Variants in RNASET2 observed in about 807,000 individuals in gnomAD.
RNASET2 encodes ribonuclease 6.
In RNASET2, 28 loss-of-function variants were observed where a neutral mutation model predicts 33.9. That is an observed-to-expected ratio of 0.83 (90% CI 0.61 to 1.13). The LOEUF (loss-of-function observed/expected upper bound fraction) is 1.13, where lower values mean the gene tolerates loss of function less well. Among genes scored for constraint, RNASET2 ranks in the 50% most tolerant of loss-of-function variants. The pLI is 0.00. For synonymous variants in RNASET2, 123 were observed against 121.0 expected, an observed-to-expected ratio of 1.02 and a Z score of -0.11; for missense variants, 330 against 319.9, an observed-to-expected ratio of 1.03 and a Z score of -0.24.
chr6:166,930,486 C>T (rs1778394601), intron 8 of RNASET2, among the ~76,000 whole-genome samples: 1 of 151,426 alleles, frequency 6.6e-6, no homozygotes, highest in Admixed American at 6.6e-5. Context: ...CACACACGCA[C>T]ATGCCCACAC....
Position 166,934,091 on chromosome 6 carries a change from T to C in RNASET2, c.492A>G (p.Gln164=). Residue 164 remains glutamine (Q), a splice_region_variant and synonymous_variant, in exon 7 of 9, where the codon CAA becomes CAG. Coordinates refer to ENST00000508775, the MANE Select transcript of RNASET2 (RefSeq NM_003730.6). ...LGIKPSINYY[Q]VADFKDALAR... ...GAAAAGAAGCAAAAGCAAGACTTAC[T>C]TGGTAGTAATTGATGGATGGTTTTA... 1 of 1,609,130 alleles carries C rather than the reference T, an allele frequency of 6.2e-7. No individual in the cohort carries two copies. The highest frequency in any genetic ancestry group is 8.5e-7 in the Non-Finnish European group (1 of 1,175,566).
At position 166,925,284 on chromosome 6, in the gene RNASET2, C is replaced by T. The variant is rs533668647; in HGVS notation, c.*4304G>A. Among the ~76,000 whole-genome samples the T allele has an allele frequency of 6.6e-6, 1 of 152,064 alleles. No individual in the cohort carries two copies. The highest frequency in any genetic ancestry group is 2.1e-4 in the South Asian group (1 of 4,808). ...CATGTCTCCGCTGCCCAGGCCTCAT[C>T]TATGCCACTTAGCCCTCACCCATGC... On this transcript the variant is annotated 3_prime_UTR_variant, in exon 9 of 9. Transcript: ENST00000508775.
At chr6:166,946,159 CTG>C (rs1033240022) in intron 4 of RNASET2, among the ~76,000 whole-genome samples, 14 of 152,224 alleles carry the variant, frequency 9.2e-5, no homozygotes, top group Non-Finnish European at 1.5e-5. Context: ...AATTCCCGCC[CTG>C]TGAGTTTTCT....
Position 166,948,626 on chromosome 6 carries a change from C to T in RNASET2, c.148-1G>A. On this transcript the variant is annotated splice_acceptor_variant, in intron 2 of 8. Coordinates refer to ENST00000508775, the MANE Select transcript of RNASET2 (RefSeq NM_003730.6). LOFTEE classifies it high-confidence loss of function. ...GGTCTCTACAGTCGTTTTGAATTTT[C>T]TAGGGAGAAAATATAACAAGAAAAT... 2 of 1,239,346 alleles carry T rather than the reference C, an allele frequency of 1.6e-6. No individual in the cohort carries two copies. The highest frequency in any genetic ancestry group is 2.3e-6 in the Non-Finnish European group (2 of 878,964). The allele number at this position is 1,239,346 out of a possible 1,614,324, so 76.8% of individuals were successfully genotyped here.
rs1227171360 is a variant in RNASET2, at chr6:166,927,721, A to G, written c.*1867T>C. ...GTGTTCGCAAAATGACTCAAAAAAA[A>G]AAAAAAAAAAAAAAAGAATTGACAT... On this transcript the variant is annotated 3_prime_UTR_variant, in exon 9 of 9. Coordinates refer to ENST00000508775, the MANE Select transcript of RNASET2 (RefSeq NM_003730.6). Among the ~76,000 whole-genome samples, 1 of 151,258 alleles carries G rather than the reference A, an allele frequency of 6.6e-6. No homozygotes were observed. The highest frequency in any genetic ancestry group is 1.9e-4 in the East Asian group (1 of 5,182).
intron 2 of RNASET2, among the ~76,000 whole-genome samples, chr6:166,949,199 CAAAAAAAAAAA>C (rs1169530046): frequency 2.9e-4 from 15 of 52,328 alleles, no homozygotes; most frequent in African/African-American, 9.1e-4. Flanking sequence ...ACCGTGTCTC[CAAAAAAAAAAA>C]AAAAAAAAAA....
In RNASET2 at chr6:166,929,661, G is replaced by C. The variant is rs1047556452; in HGVS notation, c.698C>G (p.Ala233Gly). The C allele has an allele frequency of 3.7e-6, 6 of 1,614,014 alleles. No individual in the cohort carries two copies. The highest frequency in any genetic ancestry group is 5.1e-6 in the Non-Finnish European group (6 of 1,180,030). ...KQEVWLANGA[A>G]ESRGLRVCED... ...ACAGACTCTCAGACCCCGGCTCTCG[G>C]CGGCCCCATTTGCCAGCCAGACTTC... The change falls in exon 9 of 9, where the codon GCC becomes GGC. Residue 233 changes from alanine to glycine, a missense_variant. By Grantham distance (60) the Ala-to-Gly change is moderately conservative. Transcript: ENST00000508775.
In RNASET2 at chr6:166,942,925, T is replaced by C. The variant is rs1000302904; in HGVS notation, c.332+94A>G. On this transcript the variant is annotated intron_variant, in intron 5 of 8. Transcript: ENST00000508775. ...CCCCAGAAGACAGATTCTGTTATCT[T>C]GCTTCCCACACAGTTTCCACTTCTA... is the stretch of plus-strand genomic sequence containing the variant. 2.7e-5 allele frequency: 27 copies of C among 989,762 alleles called. No individual in the cohort carries two copies. In the Admixed American group the frequency reaches 4.9e-4, roughly 18 times the overall value. 61.3% of individuals were successfully genotyped at this position (989,762 alleles called of 1,614,324 possible).
chr6:166,948,017 C>G (rs1487115874), intron 3 of RNASET2, among the ~76,000 whole-genome samples: 1 of 152,102 alleles, frequency 6.6e-6, no homozygotes, highest in Non-Finnish European at 1.5e-5. Context: ...TGTAGTGACC[C>G]TGACATGTAC....
intron 5 of RNASET2, among the ~76,000 whole-genome samples, chr6:166,940,545 A>G (rs964968516): frequency 5.3e-5 from 8 of 152,192 alleles, no homozygotes; most frequent in African/African-American, 1.9e-4. Flanking sequence ...CTTAGTTTCT[A>G]TAAAACAGGG....
Position 166,955,543 on chromosome 6 carries a change from T to C in RNASET2, c.86+554A>G, listed in dbSNP as rs1779143330. The C allele has an allele frequency of 1.0e-5, 10 of 986,822 alleles. 1 individual carries two copies. In the South Asian group the frequency reaches 4.6e-4, roughly 45 times the overall value. The allele number at this position is 986,822 out of a possible 1,614,324, so 61.1% of individuals were successfully genotyped here. A position where few individuals can be genotyped will look rare whatever the true frequency, so the allele number is the denominator to read the frequency against. ...ATTAAGTGTCCCCTCCACGACTTCTTCGACCTCTGAGAGAACTTCGAGTGC... is the reference window on the plus strand; with the variant it reads ...ATTAAGTGTCCCCTCCACGACTTCTCCGACCTCTGAGAGAACTTCGAGTGC... On this transcript the variant is annotated intron_variant, in intron 1 of 8. Transcript: ENST00000508775.
intron 4 of RNASET2, among the ~76,000 whole-genome samples, chr6:166,944,747 G>A (rs1778787714): frequency 6.6e-6 from 1 of 151,258 alleles, no homozygotes; most frequent in African/African-American, 2.4e-5. Context: ...CAGTCCTACG[G>A]TGCCTCTTCT....
chr6:166,939,303 A>G (rs1308079125), intron 5 of RNASET2, among the ~76,000 whole-genome samples: 4 of 152,184 alleles, frequency 2.6e-5, no homozygotes, highest in Non-Finnish European at 5.9e-5. Flanking sequence ...ATTGCACTAT[A>G]GCCTGGGCAA....
chr6:166,944,946 C>T (rs3778438), intron 4 of RNASET2, among the ~76,000 whole-genome samples: 3,263 of 145,716 alleles, frequency 0.022, 71 homozygotes, highest in East Asian at 0.054. Context: ...ACGTCCACAC[C>T]TGTCAGCCCT....
At chr6:166,942,154 T>C (rs867418387) in intron 5 of RNASET2, among the ~76,000 whole-genome samples, 39 of 149,096 alleles carry the variant, frequency 2.6e-4, no homozygotes, top group Middle Eastern at 6.9e-3. Flanking sequence ...CTGAATTCAA[T>C]TGATTCTCCT....
intron 4 of RNASET2, among the ~76,000 whole-genome samples, chr6:166,946,406 G>C (rs111311477): frequency 0.045 from 6,876 of 152,328 alleles, 245 homozygotes; most frequent in Non-Finnish European, 0.064. Context: ...TGGCATGGGG[G>C]AGTGTCAGGG....
intron 6 of RNASET2, among the ~76,000 whole-genome samples, chr6:166,937,066 T>C (rs1412652182): frequency 6.6e-6 from 1 of 152,204 alleles, no homozygotes; most frequent in East Asian, 1.9e-4. Context: ...TTCAGCAATG[T>C]CAGACTTTCT....
chr6:166,929,940 T>C, intron 8 of RNASET2, 149 bp from the exon 9 acceptor site: 2 of 771,940 alleles, frequency 2.6e-6, no homozygotes, highest in East Asian at 5.3e-5. Flanking sequence ...GACCCCTTCA[T>C]TGAGCAGAAG....
intron 6 of RNASET2, chr6:166,938,521 C>T: frequency 1.9e-6 from 1 of 533,046 alleles, no homozygotes; most frequent in South Asian, 1.4e-5. Flanking sequence ...GACCTACAGA[C>T]TTCCAGAGTT....
Sources: gnomAD v4.1 joint callset for allele counts (sites outside exome capture counted in the v4.1 genomes callset) on GRCh38, gnomAD v4.1.1 for gene constraint, MANE v1.5 for transcripts, NCBI Gene and HGNC (gene_info 2026-07-23, HGNC 2026-07-21) for gene names.